Variants in GSG1 observed in about 807,000 individuals in gnomAD.
GSG1 encodes the protein germ cell-specific gene 1 protein.
Under a neutral mutation model 30.8 loss-of-function variants are expected in GSG1, and 28 were observed. The observed-to-expected ratio is 0.91, with a 90% CI of 0.67 to 1.25. The LOEUF (loss-of-function observed/expected upper bound fraction) is 1.25. Among genes scored for constraint, GSG1 ranks in the 50% most tolerant of loss-of-function variants. The probability of loss-of-function intolerance (pLI) is 0.00; values close to 1 mark genes in which losing one functional copy is unlikely to be tolerated. For synonymous variants in GSG1, 162 were observed against 178.0 expected (o/e 0.91, Z 0.71); for missense variants, 435 against 444.7 (o/e 0.98, Z 0.20).
At chr12:13,095,773 G>T (rs1866616605) in intron 1 of GSG1, 6 of 1,528,382 alleles carry the variant, frequency 3.9e-6, no homozygotes, top group Admixed American at 4.0e-5. Context: ...ATGATTAAAT[G>T]CTGCCTTACA....
intron 6 of GSG1, among the ~76,000 whole-genome samples, chr12:13,085,626 G>T (rs1865449187): frequency 6.6e-6 from 1 of 152,000 alleles, no homozygotes; most frequent in South Asian, 2.1e-4. Flanking sequence ...GCTGTATGCA[G>T]TGGACATAAC....
chr12:13,094,326 A>G (rs1866451555), intron 1 of GSG1, among the ~76,000 whole-genome samples: 1 of 152,260 alleles, frequency 6.6e-6, no homozygotes, highest in South Asian at 2.1e-4. Context: ...TGTAAAACCA[A>G]TATGTAAAAC....
At chr12:13,102,593 T>G (rs1247604037) in intron 1 of GSG1, among the ~76,000 whole-genome samples, 1 of 152,238 alleles carries the variant, frequency 6.6e-6, no homozygotes, top group Non-Finnish European at 1.5e-5. Context: ...GAAGTGCCTC[T>G]TAAGTTATCC....
In GSG1 at chr12:13,084,436, A is replaced by C. The variant is rs1367434772; in HGVS notation, c.*465T>G. 1 of 160,450 alleles carries C rather than the reference A, an allele frequency of 6.2e-6. No homozygotes were observed. Among genetic ancestry groups the C allele is most frequent in the Non-Finnish European group, 1.4e-5 (1 of 72,410 alleles). The allele number at this position is 160,450 out of a possible 1,614,324, so 9.9% of individuals were successfully genotyped here. ...TGGAGGACTTCTGTGCTATATGACA[A>C]AGCACTCAGGGGCGCTTCTGTCTTC... On this transcript the variant is annotated 3_prime_UTR_variant, in exon 7 of 7. Coordinates refer to ENST00000651961, the MANE Select transcript of GSG1 (RefSeq NM_001080555.4).
rs921120646 is a variant in GSG1, at chr12:13,093,712, C to T, written c.49-2894G>A. 6.6e-6 allele frequency among the ~76,000 whole-genome samples: 1 copy of T among 152,074 alleles called. No individual in the cohort carries two copies. The highest frequency in any genetic ancestry group is 1.5e-5 in the Non-Finnish European group (1 of 68,008). ...GTCAGTGGAGAGGAACCTGGAGGGCCGTGTCTTCCAGCCTGGTGCAGAAGT... is the reference window on the plus strand; with the variant it reads ...GTCAGTGGAGAGGAACCTGGAGGGCTGTGTCTTCCAGCCTGGTGCAGAAGT... On this transcript the variant is annotated intron_variant, in intron 1 of 6. Coordinates refer to ENST00000651961, the MANE Select transcript of GSG1 (RefSeq NM_001080555.4). The surrounding 1 kb of genome is among the most constrained non-coding windows in gnomAD (Gnocchi z 4.6).
chr12:13,090,512 CCA>C lies in GSG1; in HGVS notation c.353_354del (p.Val118GlyfsTer15). ...CCAGAATGTAGGCTACCTGGTTCTTCCACAGTTTCCTCACAGGATAGCCACAT... is the reference window on the plus strand; with the variant it reads ...CCAGAATGTAGGCTACCTGGTTCTTCCAGTTTCCTCACAGGATAGCCACAT... ...SGMWLSCEETVEEPALLHPQS... is the reference protein window; with the variant it reads ...SGMWLSCEETXEEPALLHPQS... On this transcript the variant is annotated frameshift_variant, in exon 2 of 7. Coordinates refer to ENST00000651961, the MANE Select transcript of GSG1 (RefSeq NM_001080555.4). LOFTEE classifies it high-confidence loss of function. 2 of 1,608,446 alleles carry C rather than the reference CCA, an allele frequency of 1.2e-6. No individual in the cohort carries two copies. The highest frequency in any genetic ancestry group is 1.7e-6 in the Non-Finnish European group (2 of 1,175,666).
intron 1 of GSG1, among the ~76,000 whole-genome samples, chr12:13,092,541 C>T (rs562033288): frequency 1.3e-5 from 2 of 152,322 alleles, no homozygotes; most frequent in Admixed American, 1.3e-4. Flanking sequence ...GCTTCAAGGA[C>T]TGTGGTGTGT....
At position 13,093,551 on chromosome 12, in the gene GSG1, C is replaced by T. The variant is rs767679105; in HGVS notation, c.49-2733G>A. Among the ~76,000 whole-genome samples, 4 of 152,166 alleles carry T rather than the reference C, an allele frequency of 2.6e-5. No homozygotes were observed. Among genetic ancestry groups the T allele is most frequent in the East Asian group, 1.9e-4 (1 of 5,198 alleles). ...TTATGGTTCTGGGAGAGGTAGCAGT[C>T]GGGCCCAGCTTCCATCCACTGCCAC... On this transcript the variant is annotated intron_variant, in intron 1 of 6. Transcript: ENST00000651961. This position sits in a 1 kb window ranked among gnomAD's most constrained non-coding sequence, Gnocchi z 4.6.
At chr12:13,090,264 A>C (rs1298842955) in intron 2 of GSG1, among the ~76,000 whole-genome samples, 2 of 152,214 alleles carry the variant, frequency 1.3e-5, no homozygotes, top group Non-Finnish European at 2.9e-5. Flanking sequence ...CTACAGAGGG[A>C]GGAAGTGAAA....
At position 13,085,014 on chromosome 12, in the gene GSG1, C is replaced by T; in HGVS notation, c.976G>A (p.Val326Ile). 1 of 1,563,896 alleles carries T rather than the reference C, an allele frequency of 6.4e-7. No homozygotes were observed. Among genetic ancestry groups the T allele is most frequent in the South Asian group, 1.2e-5 (1 of 85,476 alleles). Reference sequence around the variant, plus strand: ...GAGTAGAAGTCGACTCCCTCAGAGACAGAGTGGATGGGCTGATTATGATAC... The same window carrying T: ...GAGTAGAAGTCGACTCCCTCAGAGATAGAGTGGATGGGCTGATTATGATAC... ...HQYHNQPIHS[V>I]SEGVDFYSEL... is the part of the protein sequence containing the mutation. Residue 326 changes from valine (V) to isoleucine (I), a missense_variant, in exon 7 of 7, where the codon GTC (valine) becomes ATC (isoleucine). Physicochemically the swap from Val to Ile is conservative, Grantham distance 29 (BLOSUM62 3). Coordinates refer to ENST00000651961, the MANE Select transcript of GSG1 (RefSeq NM_001080555.4).
At chr12:13,090,911 T>C in intron 1 of GSG1, 93 bp from the exon 2 acceptor site, 1 of 1,065,958 alleles carries the variant, frequency 9.4e-7, no homozygotes, top group Non-Finnish European at 1.4e-6. Flanking sequence ...CTGCACTCCC[T>C]CCGCTCAAGC....
chr12:13,092,664 C>G (rs2120811857), intron 1 of GSG1, among the ~76,000 whole-genome samples: 1 of 152,298 alleles, frequency 6.6e-6, no homozygotes, highest in East Asian at 1.9e-4. Context: ...TTTTATCTTT[C>G]CCACAGCAAC....
At position 13,084,665 on chromosome 12, in the gene GSG1, G is replaced by T. The variant is rs1459436040; in HGVS notation, c.*236C>A. On this transcript the variant is annotated 3_prime_UTR_variant, in exon 7 of 7. Transcript: ENST00000651961. Reference sequence around the variant, plus strand: ...ACCTGGCACAGAAACTATCAGTAAAGAAGGGAATTCTGGATGTGTGAGATG... The same window carrying T: ...ACCTGGCACAGAAACTATCAGTAAATAAGGGAATTCTGGATGTGTGAGATG... The T allele has an allele frequency of 2.5e-6, 1 of 404,482 alleles. No homozygotes were observed. Among genetic ancestry groups the T allele is most frequent in the East Asian group, 3.7e-5 (1 of 27,006 alleles). 25.1% of individuals were successfully genotyped at this position (404,482 alleles called of 1,614,324 possible). A position where few individuals can be genotyped will look rare whatever the true frequency, so the allele number is the denominator to read the frequency against.
chr12:13,098,253 C>A (rs533538224), intron 1 of GSG1, among the ~76,000 whole-genome samples: 14 of 151,922 alleles, frequency 9.2e-5, no homozygotes, highest in African/African-American at 3.4e-4. Flanking sequence ...CGTGCTTCCC[C>A]CACCAGTCGG....
At chr12:13,088,983 AACTGGT>A (rs1050196071) in intron 3 of GSG1, 74 bp from the exon 4 acceptor site, 46 of 1,547,760 alleles carry the variant, frequency 3.0e-5, no homozygotes, top group Non-Finnish European at 4.1e-5. Context: ...CCCACCCCAT[AACTGGT>A]ACTGCTCCCT....
intron 1 of GSG1, chr12:13,095,461 A>T: frequency 1.1e-6 from 1 of 875,368 alleles, no homozygotes; most frequent in Non-Finnish European, 2.0e-6. Flanking sequence ...ACATCAGCAT[A>T]TATTAACAGA....
rs1863207685 is a variant in GSG1 at position 13,101,574 on chromosome 12, C to A, written c.48+1891G>T. ...CATGTGTCCCGGAGCTGGGCCGGGG[C>A]GCTAGGCCACCTGAGGCGCGTCCCC... On this transcript the variant is annotated intron_variant, in intron 1 of 6. Coordinates refer to ENST00000651961, the MANE Select transcript of GSG1 (RefSeq NM_001080555.4). The surrounding 1 kb of genome is among the most constrained non-coding windows in gnomAD (Gnocchi z 5.8). Among the ~76,000 whole-genome samples, 2 of 152,226 alleles carry A rather than the reference C, an allele frequency of 1.3e-5. No homozygotes were observed. The highest frequency in any genetic ancestry group is 1.3e-4 in the Admixed American group (2 of 15,294).
intron 1 of GSG1, among the ~76,000 whole-genome samples, chr12:13,091,560 C>T (rs796409580): frequency 6.6e-6 from 1 of 152,116 alleles, no homozygotes; most frequent in African/African-American, 2.4e-5. Flanking sequence ...AAAAATTAGC[C>T]GGGCACGGTG....
rs537273454 is a variant in GSG1, at chr12:13,101,727, C to T, written c.48+1738G>A. On this transcript the variant is annotated intron_variant, in intron 1 of 6. Transcript: ENST00000651961. The surrounding 1 kb of genome is among the most constrained non-coding windows in gnomAD (Gnocchi z 5.8). ...GCTGGAGTCCAAAGTCAGGCATTTCCCTGCCTCTGCCCGGTAAAGCTATGG... is the reference window on the plus strand; with the variant it reads ...GCTGGAGTCCAAAGTCAGGCATTTCTCTGCCTCTGCCCGGTAAAGCTATGG... Among the ~76,000 whole-genome samples the T allele has an allele frequency of 1.2e-4, 18 of 152,340 alleles. No individual in the cohort carries two copies. The highest frequency in any genetic ancestry group is 6.8e-3 in the Middle Eastern group (2 of 294).
Sources: allele counts gnomAD v4.1 joint callset (sites outside exome capture counted in the v4.1 genomes callset), GRCh38; gene constraint gnomAD v4.1.1; non-coding constraint Gnocchi (gnomAD v3.1); transcripts MANE v1.5; gene names NCBI Gene and HGNC (gene_info 2026-07-23, HGNC 2026-07-21).